Variants in RPF2 observed in about 807,000 individuals in gnomAD.
RPF2 encodes ribosome production factor 2 homolog, also known as brix domain containing 1.
RPF2 carries 21 observed loss-of-function variants against 38.9 expected under a neutral mutation model. The observed-to-expected ratio is 0.54, with a 90% CI of 0.38 to 0.78. The LOEUF (loss-of-function observed/expected upper bound fraction) is 0.78, where lower values mean the gene tolerates loss of function less well. Ranked by LOEUF, RPF2 falls within the 30% of genes least tolerant of loss-of-function variation. The pLI is 0.00. For synonymous variants in RPF2, 121 were observed against 126.2 expected (o/e 0.96, Z 0.28); for missense variants, 314 against 358.1 (o/e 0.88, Z 0.99).
Position 110,997,185 on chromosome 6 carries a change from A to C in RPF2, c.237A>C (p.Glu79Asp). 1 of 1,579,544 alleles carries C rather than the reference A, an allele frequency of 6.3e-7. No homozygotes were observed. Among genetic ancestry groups the C allele is most frequent in the South Asian group, 1.1e-5 (1 of 89,608 alleles). Reference protein sequence around the residue: ...TRPFEDQTSLEFFSKKSDCSL... With the variant: ...TRPFEDQTSLDFFSKKSDCSL... ...ATGGGATTTATTTGGTTTTATAGGAATTCTTTTCAAAGAAGTCAGATTGTT... is the reference window on the plus strand; with the variant it reads ...ATGGGATTTATTTGGTTTTATAGGACTTCTTTTCAAAGAAGTCAGATTGTT... The change falls in exon 5 of 10, where the codon GAA (glutamate) becomes GAC (aspartate). Residue 79 changes from glutamate (E) to aspartate (D), a missense_variant and splice_region_variant. Physicochemically the swap from Glu to Asp is conservative, Grantham distance 45. Transcript: ENST00000441448.
chr6:111,024,601 T>C (rs1772290785), intron 9 of RPF2, among the ~76,000 whole-genome samples: 2 of 150,914 alleles, frequency 1.3e-5, no homozygotes, highest in Admixed American at 6.6e-5. Context: ...TAGTCCCAGC[T>C]ACTTGGGAGG....
In RPF2 at chr6:111,025,384, A is replaced by G. The variant is rs1772305369; in HGVS notation, c.742-19A>G. Reference sequence around the variant, plus strand: ...TATAGTAGAAGGCCATTAAATATATACATATTCTTTTATCGTAGCCAAAGA... The same window carrying G: ...TATAGTAGAAGGCCATTAAATATATGCATATTCTTTTATCGTAGCCAAAGA... On this transcript the variant is annotated intron_variant, in intron 9 of 9. Transcript: ENST00000441448. 2 of 1,529,704 alleles carry G rather than the reference A, an allele frequency of 1.3e-6. No homozygotes were observed. The highest frequency in any genetic ancestry group is 2.8e-5 in the African/African-American group (2 of 72,682). The allele number at this position is 1,529,704 out of a possible 1,614,324, so 94.8% of individuals were successfully genotyped here.
At chr6:111,016,244 C>T (rs192712772) in intron 8 of RPF2, among the ~76,000 whole-genome samples, 8 of 152,286 alleles carry the variant, frequency 5.3e-5, no homozygotes, top group South Asian at 2.1e-4. Context: ...TGGCTAGATT[C>T]ATTTCACTCT....
chr6:111,005,176 C>T lies in RPF2; in HGVS notation c.394-2862C>T, dbSNP rs79653981. Among the ~76,000 whole-genome samples the T allele has an allele frequency of 6.5e-3, 994 of 152,210 alleles. 5 individuals are homozygous for T. Among genetic ancestry groups the T allele is most frequent in the African/African-American group, 0.023 (938 of 41,512 alleles). The stretch of plus-strand genomic sequence containing the variant: ...TCCTAAGTATAGACCGTTAAGGTTC[C>T]GGGTTTGGAAGTAGAGAATGTCAAC... On this transcript the variant is annotated intron_variant, in intron 6 of 9. Coordinates refer to ENST00000441448, the MANE Select transcript of RPF2 (RefSeq NM_032194.3).
At chr6:110,992,082 G>A (rs1232742734) in intron 4 of RPF2, among the ~76,000 whole-genome samples, 2 of 152,060 alleles carry the variant, frequency 1.3e-5, no homozygotes, top group East Asian at 3.9e-4. Flanking sequence ...CAAGGCAGGT[G>A]GATCACCTGA....
At chr6:110,989,910 A>G (rs1194342227) in intron 3 of RPF2, among the ~76,000 whole-genome samples, 1 of 149,236 alleles carries the variant, frequency 6.7e-6, no homozygotes, top group African/African-American at 2.5e-5. Context: ...GGCGTGAGCC[A>G]CCCCGCCCGG....
chr6:110,989,893 G>A (rs1266703813), intron 3 of RPF2, among the ~76,000 whole-genome samples: 1 of 151,840 alleles, frequency 6.6e-6, no homozygotes, highest in Non-Finnish European at 1.5e-5. Flanking sequence ...GAAGTGATGG[G>A]ATTACAGGCG....
At chr6:111,011,028 A>G (rs1772003658) in intron 7 of RPF2, among the ~76,000 whole-genome samples, 1 of 152,196 alleles carries the variant, frequency 6.6e-6, no homozygotes, top group Non-Finnish European at 1.5e-5. Flanking sequence ...GGGAAAACAA[A>G]CAGGGGCTCT....
chr6:111,001,414 G>A (rs1344608159), intron 6 of RPF2, among the ~76,000 whole-genome samples: 1 of 150,776 alleles, frequency 6.6e-6, no homozygotes, highest in African/African-American at 2.4e-5. Context: ...GTCTTGCTCT[G>A]TCACCCAGGC....
chr6:110,995,042 C>T (rs1266582199), intron 4 of RPF2, among the ~76,000 whole-genome samples: 1 of 151,832 alleles, frequency 6.6e-6, no homozygotes, highest in Non-Finnish European at 1.5e-5. Flanking sequence ...GTAGCTGGGA[C>T]CACAGGTGTA....
intron 1 of RPF2, among the ~76,000 whole-genome samples, chr6:110,982,761 T>C (rs915999896): frequency 6.6e-6 from 1 of 152,260 alleles, no homozygotes; most frequent in Non-Finnish European, 1.5e-5. Flanking sequence ...ATTTTCTTGC[T>C]ATTTACCTAA....
At chr6:110,982,822 C>T (rs1771455527) in intron 1 of RPF2, among the ~76,000 whole-genome samples, 1 of 152,188 alleles carries the variant, frequency 6.6e-6, no homozygotes. Flanking sequence ...ATTTTGCACA[C>T]CTGCTATGCC....
At position 111,027,779 on chromosome 6, in the gene RPF2, A is replaced by G. The variant is rs779376734; in HGVS notation, c.*2197A>G. On this transcript the variant is annotated 3_prime_UTR_variant, in exon 10 of 10. Transcript: ENST00000441448. ...TCTAATAAGTATTGGAATGCTTCCT[A>G]TTTGCTGATAGAAGTACCAAATAGT... 17 of 152,212 alleles carry G rather than the reference A, an allele frequency of 1.1e-4. No homozygotes were observed. Among genetic ancestry groups the G allele is most frequent in the African/African-American group, 4.1e-4 (17 of 41,466 alleles). 9.4% of individuals were successfully genotyped at this position (152,212 alleles called of 1,614,324 possible).
intron 7 of RPF2, among the ~76,000 whole-genome samples, chr6:111,012,395 G>C (rs1772032791): frequency 6.6e-6 from 1 of 151,442 alleles, no homozygotes. Context: ...TGGTCTCAGA[G>C]TCCTAGGCTC....
At chr6:111,008,808 T>C (rs1178962191) in intron 7 of RPF2, among the ~76,000 whole-genome samples, 3 of 152,020 alleles carry the variant, frequency 2.0e-5, no homozygotes, top group African/African-American at 7.2e-5. Context: ...TATTCTGATA[T>C]TGCTCTTATT....
intron 6 of RPF2, among the ~76,000 whole-genome samples, chr6:111,001,986 A>T (rs1408392533): frequency 6.6e-6 from 1 of 152,210 alleles, no homozygotes; most frequent in East Asian, 1.9e-4. Context: ...TCATATATGT[A>T]TAAAGTAAAC....
chr6:111,018,634 C>T (rs566834563), intron 8 of RPF2, among the ~76,000 whole-genome samples: 1 of 152,098 alleles, frequency 6.6e-6, no homozygotes, highest in Non-Finnish European at 1.5e-5. Context: ...TGTATTAAAT[C>T]AGAGACATTT....
chr6:111,003,002 TC>T (rs2114319684), intron 6 of RPF2, among the ~76,000 whole-genome samples: 1 of 152,024 alleles, frequency 6.6e-6, no homozygotes, highest in African/African-American at 2.4e-5. Flanking sequence ...CCTCAGGTGA[TC>T]CACCCGCCTC....
chr6:110,997,297 G>A (rs1486829754), intron 5 of RPF2, 33 bp downstream of exon 5: 1 of 1,287,146 alleles, frequency 7.8e-7, no homozygotes, highest in South Asian at 1.2e-5. Context: ...TGTTTTCACT[G>A]ATAGAGTCAA....
Sources: gnomAD v4.1 joint callset for allele counts (sites outside exome capture counted in the v4.1 genomes callset) on GRCh38, gnomAD v4.1.1 for gene constraint, MANE v1.5 for transcripts, NCBI Gene and HGNC (gene_info 2026-07-23, HGNC 2026-07-21) for gene names.